Variants in SLC9A1 observed in about 807,000 individuals in gnomAD.
SLC9A1 encodes the protein sodium/hydrogen exchanger 1.
Under a neutral mutation model 67.9 loss-of-function variants are expected in SLC9A1, and 22 were observed. The ratio of observed to expected loss-of-function variants is 0.32; its 90% CI spans 0.23 to 0.46. The LOEUF (loss-of-function observed/expected upper bound fraction) is 0.46, where lower values mean the gene tolerates loss of function less well. Among genes scored for constraint, SLC9A1 ranks in the 20% least tolerant of loss-of-function variants. The pLI is 1.00. For missense variants in SLC9A1, 686 were observed against 1,094.8 expected (o/e 0.63, Z 5.27); for synonymous variants, 421 against 471.8 (o/e 0.89, Z 1.40).
At position 27,102,886 on chromosome 1, in the gene SLC9A1, C is replaced by A. The variant is rs1485888042; in HGVS notation, c.1576-143G>T. On this transcript the variant is annotated intron_variant, in intron 6 of 11. Coordinates refer to ENST00000263980, the MANE Select transcript of SLC9A1 (RefSeq NM_003047.5). ...CCATGAGCAGCCAGGAGGTGGCGCC[C>A]ACACTCCACTCATCGAACCCAGCGG... 8 of 729,238 alleles carry A rather than the reference C, an allele frequency of 1.1e-5. No individual in the cohort carries two copies. In the East Asian group the frequency reaches 2.2e-4, roughly 20 times the overall value. 45.2% of individuals were successfully genotyped at this position (729,238 alleles called of 1,614,324 possible). A position where few individuals can be genotyped will look rare whatever the true frequency, so the allele number is the denominator to read the frequency against.
intron 1 of SLC9A1, among the ~76,000 whole-genome samples, chr1:27,144,549 C>G (rs2083470423): frequency 6.7e-6 from 1 of 149,976 alleles, no homozygotes; most frequent in African/African-American, 2.5e-5. Context: ...GCCAAGGAGC[C>G]TCTGCAACCT....
Position 27,118,075 on chromosome 1 carries a change from G to A in SLC9A1, c.353-3789C>T, listed in dbSNP as rs1002961074. The stretch of plus-strand genomic sequence containing the variant: ...GCCAGGCCAACCAGGACTGGGTCCC[G>A]GGCCTCCTGACTACAGCACAGCGAC... On this transcript the variant is annotated intron_variant, in intron 1 of 11. Transcript: ENST00000263980. This position sits in a 1 kb window ranked among gnomAD's most constrained non-coding sequence, Gnocchi z 4.3. Among the ~76,000 whole-genome samples, 9 of 152,162 alleles carry A rather than the reference G, an allele frequency of 5.9e-5. No individual in the cohort carries two copies. Among genetic ancestry groups the A allele is most frequent in the Admixed American group, 4.6e-4 (7 of 15,284 alleles).
At chr1:27,121,817 C>A (rs1389503368) in intron 1 of SLC9A1, among the ~76,000 whole-genome samples, 1 of 152,122 alleles carries the variant, frequency 6.6e-6, no homozygotes, top group Non-Finnish European at 1.5e-5. Context: ...GGAACTTCTA[C>A]CCACCTTTCA....
chr1:27,109,484 C>G lies in SLC9A1; in HGVS notation c.1064+43G>C. ...GGGGAATCCAAGCTGGCAGCCCCCG[C>G]CCCCACCCCGCCAAGCCCACTGCCT... On this transcript the variant is annotated intron_variant, in intron 3 of 11. Transcript: ENST00000263980. The surrounding 1 kb of genome is among the most constrained non-coding windows in gnomAD (Gnocchi z 5.5). 6.3e-7 allele frequency: 1 copy of G among 1,599,060 alleles called. No individual in the cohort carries two copies. Among genetic ancestry groups the G allele is most frequent in the African/African-American group, 1.3e-5 (1 of 74,800 alleles).
At position 27,114,346 on chromosome 1, in the gene SLC9A1, G is replaced by C. The variant is rs1283919825; in HGVS notation, c.353-60C>G. 18 of 1,422,218 alleles carry C rather than the reference G, an allele frequency of 1.3e-5. No individual in the cohort carries two copies. Among genetic ancestry groups the C allele is most frequent in the Non-Finnish European group, 1.7e-5 (17 of 1,029,862 alleles). The allele number at this position is 1,422,218 out of a possible 1,614,324, so 88.1% of individuals were successfully genotyped here. A position where few individuals can be genotyped will look rare whatever the true frequency, so the allele number is the denominator to read the frequency against. On this transcript the variant is annotated intron_variant, in intron 1 of 11. Transcript: ENST00000263980. This position sits in a 1 kb window ranked among gnomAD's most constrained non-coding sequence, Gnocchi z 5.4. ...TTCGGAGGAGCCAGGAGAATAGAAG[G>C]TTGGGGATGGGCCGGGGATGAGGAG... is the stretch of plus-strand genomic sequence containing the variant.
At chr1:27,103,455 T>A in intron 5 of SLC9A1, 143 bp from the exon 6 acceptor site, 2 of 687,608 alleles carry the variant, frequency 2.9e-6, no homozygotes, top group Non-Finnish European at 5.3e-6. Flanking sequence ...GTGTGAGAAC[T>A]CTCCCACCTC....
chr1:27,128,426 C>T (rs1450665866), intron 1 of SLC9A1, among the ~76,000 whole-genome samples: 1 of 151,958 alleles, frequency 6.6e-6, no homozygotes, highest in East Asian at 1.9e-4. Flanking sequence ...GAGGCCGAGG[C>T]GAGAGGATCA....
In SLC9A1 at chr1:27,114,888, T is replaced by C. The variant is rs1258678883; in HGVS notation, c.353-602A>G. Among the ~76,000 whole-genome samples the C allele has an allele frequency of 6.6e-6, 1 of 152,162 alleles. No individual in the cohort carries two copies. Among genetic ancestry groups the C allele is most frequent in the Admixed American group, 6.5e-5 (1 of 15,278 alleles). On this transcript the variant is annotated intron_variant, in intron 1 of 11. Coordinates refer to ENST00000263980, the MANE Select transcript of SLC9A1 (RefSeq NM_003047.5). This position sits in a 1 kb window ranked among gnomAD's most constrained non-coding sequence, Gnocchi z 5.4. ...GAAGGAACTTGGGGATAATAAGGCC[T>C]GGGGTCTGCAAACCTGCAAAACAGT...
rs186624447 is a variant in SLC9A1, at chr1:27,101,662, G to A, written c.2037+63C>T. 326 of 1,175,930 alleles carry A rather than the reference G, an allele frequency of 2.8e-4. No homozygotes were observed. The highest frequency in any genetic ancestry group is 3.7e-4 in the Non-Finnish European group (297 of 799,286). 72.8% of individuals were successfully genotyped at this position (1,175,930 alleles called of 1,614,324 possible). On this transcript the variant is annotated intron_variant, in intron 10 of 11. Coordinates refer to ENST00000263980, the MANE Select transcript of SLC9A1 (RefSeq NM_003047.5). This position sits in a 1 kb window ranked among gnomAD's most constrained non-coding sequence, Gnocchi z 4.9. ...CCTAGAATGGGTACATTTCCTTAGA[G>A]GCTGTGGCGGAGCTTGGGCGAGTGG...
chr1:27,135,322 G>A (rs1358742353), intron 1 of SLC9A1, among the ~76,000 whole-genome samples: 1 of 151,998 alleles, frequency 6.6e-6, no homozygotes, highest in African/African-American at 2.4e-5. Flanking sequence ...CAAAGTGCTG[G>A]GATTACAGGG....
intron 2 of SLC9A1, among the ~76,000 whole-genome samples, chr1:27,113,295 CA>C (rs2083243186): frequency 6.6e-6 from 1 of 151,962 alleles, no homozygotes; most frequent in Non-Finnish European, 1.5e-5. Context: ...CCCATCTCCA[CA>C]AAAAATTTAA....
intron 1 of SLC9A1, among the ~76,000 whole-genome samples, chr1:27,119,569 C>CA (rs1262421798): frequency 6.6e-6 from 1 of 152,238 alleles, no homozygotes; most frequent in African/African-American, 2.4e-5. Context: ...CAGCACTCTA[C>CA]AGTTTACAGC....
At chr1:27,111,700 C>T (rs1475468601) in intron 2 of SLC9A1, among the ~76,000 whole-genome samples, 2 of 152,126 alleles carry the variant, frequency 1.3e-5, no homozygotes, top group Admixed American at 6.5e-5. Context: ...GTCCCAGCTA[C>T]TTGGGAGGCT....
In SLC9A1 at chr1:27,109,630, G is replaced by A. The variant is rs150618776; in HGVS notation, c.961C>T (p.Arg321Ter). ...VYGVIAAFTS[R>*]FTSHIRVIEP... ...ATGACCCGGATGTGGGAGGTAAATC[G>A]GGAGGTGAAGGCTGCGATGACCCCG... is the stretch of plus-strand genomic sequence containing the variant. The change falls in exon 3 of 12, where the codon CGA becomes TGA. Residue 321 changes from arginine (R) to a stop codon, truncating the protein, a stop_gained. Transcript: ENST00000263980. LOFTEE classifies it high-confidence loss of function. This position sits in a 1 kb window ranked among gnomAD's most constrained non-coding sequence, Gnocchi z 5.5. The A allele has an allele frequency of 1.9e-6, 3 of 1,613,768 alleles. No homozygotes were observed. Among genetic ancestry groups the A allele is most frequent in the Non-Finnish European group, 2.5e-6 (3 of 1,179,964 alleles).
intron 4 of SLC9A1, among the ~76,000 whole-genome samples, chr1:27,107,352 C>A (rs1319242651): frequency 6.8e-6 from 1 of 146,860 alleles, no homozygotes; most frequent in Non-Finnish European, 1.5e-5. Context: ...AAGCCCTCCA[C>A]ACAACATACT....
At chr1:27,140,604 G>A (rs185093834) in intron 1 of SLC9A1, among the ~76,000 whole-genome samples, 5 of 152,286 alleles carry the variant, frequency 3.3e-5, no homozygotes, top group African/African-American at 1.2e-4. Flanking sequence ...ACAGGGTGAT[G>A]TAGCTTAAAA....
At chr1:27,103,100 G>C in intron 6 of SLC9A1, 123 bp downstream of exon 6, 1 of 767,438 alleles carries the variant, frequency 1.3e-6, no homozygotes, top group South Asian at 1.5e-5. Context: ...CTGGGGCAGA[G>C]GGAGCCCCTG....
rs139327608 is a variant in SLC9A1 at position 27,150,251 on chromosome 1, A to G, written c.352+3732T>C. On this transcript the variant is annotated intron_variant, in intron 1 of 11. Coordinates refer to ENST00000263980, the MANE Select transcript of SLC9A1 (RefSeq NM_003047.5). ...TTCACAGACTTAATCTACAGAGGAG[A>G]TGGCAGGATTCGCCTTGCAAAGACC... is the stretch of plus-strand genomic sequence containing the variant. Among the ~76,000 whole-genome samples the G allele has an allele frequency of 1.6e-3, 239 of 152,274 alleles. 1 individual carries two copies. The highest frequency in any genetic ancestry group is 5.3e-3 in the African/African-American group (222 of 41,560).
intron 1 of SLC9A1, among the ~76,000 whole-genome samples, chr1:27,120,557 G>A (rs2083298293): frequency 6.6e-6 from 1 of 151,460 alleles, no homozygotes; most frequent in Non-Finnish European, 1.5e-5. Context: ...GACCAACATG[G>A]CGAAACCTCG....
Sources: allele counts gnomAD v4.1 joint callset (sites outside exome capture counted in the v4.1 genomes callset), GRCh38; gene constraint gnomAD v4.1.1; non-coding constraint Gnocchi (gnomAD v3.1); transcripts MANE v1.5; gene names NCBI Gene and HGNC (gene_info 2026-07-23, HGNC 2026-07-21).